MS4A5: variants seen among roughly 807,000 people sequenced by gnomAD.
MS4A5 encodes the protein membrane-spanning 4-domains subfamily A member 5.
MS4A5 carries 15 observed loss-of-function variants against 18.2 expected under a neutral mutation model. The observed-to-expected ratio is 0.83, with a 90% CI of 0.55 to 1.27. MS4A5 has a LOEUF of 1.27. Ranked by LOEUF, MS4A5 falls within the 50% of genes most tolerant of loss-of-function variation. MS4A5 has a pLI of 0.00. For missense variants in MS4A5, 232 were observed against 225.7 expected (o/e 1.03, Z -0.18); for synonymous variants, 89 against 78.7 (o/e 1.13, Z -0.69).
chr11:60,445,669 CTGACAAGAAGTCAAGAAAAAA>C (rs1227080305), intron 4 of MS4A5, among the ~76,000 whole-genome samples: 1 of 152,072 alleles, frequency 6.6e-6, no homozygotes, highest in African/African-American at 2.4e-5. Context: ...GTGCATATAA[CTGACAAGAAGTCAAGAAAAAA>C]TTTTCTTTTT....
chr11:60,447,185 C>T (rs1412295756), intron 4 of MS4A5, among the ~76,000 whole-genome samples: 2 of 151,428 alleles, frequency 1.3e-5, no homozygotes, highest in Admixed American at 1.3e-4. Context: ...CTATGCTATG[C>T]TATCCTATGC....
At chr11:60,441,213 T>G (rs2086109727) in intron 4 of MS4A5, among the ~76,000 whole-genome samples, 1 of 124,076 alleles carries the variant, frequency 8.1e-6, no homozygotes, top group African/African-American at 3.0e-5. Context: ...CACTCATAGG[T>G]GGGAATTGAA....
chr11:60,440,199 G>T (rs2086102928), intron 4 of MS4A5, among the ~76,000 whole-genome samples: 1 of 91,792 alleles, frequency 1.1e-5, no homozygotes, highest in Non-Finnish European at 2.4e-5. Flanking sequence ...TTAATAAATG[G>T]TGCTGGGAAA....
chr11:60,435,463 G>C (rs2135173417), intron 4 of MS4A5: 1 of 421,626 alleles, frequency 2.4e-6, no homozygotes, highest in South Asian at 1.7e-5. Context: ...CCGGTCTACA[G>C]CTCCCAGCGT....
intron 4 of MS4A5, among the ~76,000 whole-genome samples, chr11:60,434,598 A>G (rs1352643596): frequency 6.6e-6 from 1 of 152,238 alleles, no homozygotes; most frequent in Admixed American, 6.5e-5. Context: ...GTAATGGTTA[A>G]GTATGGCTAT....
chr11:60,434,935 G>A (rs756187193), intron 4 of MS4A5, among the ~76,000 whole-genome samples: 23 of 152,142 alleles, frequency 1.5e-4, no homozygotes, highest in Non-Finnish European at 2.4e-4. Flanking sequence ...AGGCTACTAC[G>A]CTCTTCAGGT....
At chr11:60,439,075 C>T in intron 4 of MS4A5, among the ~76,000 whole-genome samples, 1 of 96,984 alleles carries the variant, frequency 1.0e-5, no homozygotes, top group Non-Finnish European at 2.0e-5. Context: ...GCTTATCCAC[C>T]ATGATCAAGT....
chr11:60,444,455 A>G (rs970938010), intron 4 of MS4A5, among the ~76,000 whole-genome samples: 2 of 152,122 alleles, frequency 1.3e-5, no homozygotes, highest in African/African-American at 2.4e-5. Flanking sequence ...AATATAGGGG[A>G]AAAATAAAAT....
chr11:60,430,569 G>C (rs933506834), intron 1 of MS4A5, among the ~76,000 whole-genome samples: 1 of 152,134 alleles, frequency 6.6e-6, no homozygotes, highest in Non-Finnish European at 1.5e-5. Context: ...CCAATCCATG[G>C]ACCACATTTT....
chr11:60,430,720 CA>C (rs2086044066), intron 1 of MS4A5, 75 bp from the exon 2 acceptor site: 1 of 1,546,104 alleles, frequency 6.5e-7, no homozygotes. Flanking sequence ...TCCTTTTGAC[CA>C]AAAGAAGATA....
intron 4 of MS4A5, among the ~76,000 whole-genome samples, chr11:60,435,770 C>G (rs1339348354): frequency 6.6e-6 from 1 of 152,042 alleles, no homozygotes; most frequent in Middle Eastern, 3.2e-3. Flanking sequence ...GCACCTGGCT[C>G]GGAGGGTCCT....
intron 4 of MS4A5, among the ~76,000 whole-genome samples, chr11:60,443,090 G>C (rs905477475): frequency 6.6e-6 from 1 of 152,068 alleles, no homozygotes; most frequent in Non-Finnish European, 1.5e-5. Flanking sequence ...GAAGTGAGCC[G>C]GGACTGCACC....
intron 4 of MS4A5, among the ~76,000 whole-genome samples, chr11:60,435,159 CT>C (rs1019844577): frequency 6.6e-6 from 1 of 152,116 alleles, no homozygotes; most frequent in Non-Finnish European, 1.5e-5. Flanking sequence ...TGTGGTGCCC[CT>C]GGTACCTGGC....
intron 4 of MS4A5, chr11:60,435,272 G>A (rs2086072284): frequency 2.5e-6 from 1 of 399,974 alleles, no homozygotes; most frequent in South Asian, 1.9e-5. Context: ...CTCAAAAGAG[G>A]CCTAAAAAGA....
At chr11:60,447,302 A>G (rs1315624666) in intron 4 of MS4A5, among the ~76,000 whole-genome samples, 2 of 136,774 alleles carry the variant, frequency 1.5e-5, no homozygotes, top group African/African-American at 2.8e-5. Flanking sequence ...ATGCTATCCT[A>G]TGCTGTGCTA....
rs938866907 is a variant in MS4A5, at chr11:60,441,749, A to C, written c.493-5900A>C. On this transcript the variant is annotated intron_variant, in intron 4 of 4. Coordinates refer to ENST00000300190, the MANE Select transcript of MS4A5 (RefSeq NM_023945.3). ...ACCCATAAAAATAGAAAATTAAAAA[A>C]TTTAAAATTTTAAAAAAAGATGGTC... is the stretch of plus-strand genomic sequence containing the variant. Among the ~76,000 whole-genome samples, 49 of 152,044 alleles carry C rather than the reference A, an allele frequency of 3.2e-4. 1 individual carries two copies. The highest frequency in any genetic ancestry group is 1.6e-4 in the Non-Finnish European group (11 of 67,946).
intron 4 of MS4A5, among the ~76,000 whole-genome samples, chr11:60,442,677 A>G (rs534389562): frequency 6.6e-5 from 10 of 152,194 alleles, no homozygotes; most frequent in Non-Finnish European, 1.3e-4. Flanking sequence ...AGAATACAAT[A>G]TACTGTCATT....
intron 4 of MS4A5, among the ~76,000 whole-genome samples, chr11:60,435,788 C>T (rs939348555): frequency 8.9e-4 from 135 of 152,062 alleles, no homozygotes; most frequent in African/African-American, 3.0e-3. Context: ...CCTATGCCCA[C>T]GGAGTCTCGC....
At chr11:60,434,798 G>A (rs2086069730) in intron 4 of MS4A5, among the ~76,000 whole-genome samples, 1 of 152,172 alleles carries the variant, frequency 6.6e-6, no homozygotes, top group African/African-American at 2.4e-5. Context: ...CCATTTGCCA[G>A]TGATGCTTAT....
Sources: gnomAD v4.1 joint callset for allele counts (sites outside exome capture counted in the v4.1 genomes callset) on GRCh38, gnomAD v4.1.1 for gene constraint, MANE v1.5 for transcripts, NCBI Gene and HGNC (gene_info 2026-07-23, HGNC 2026-07-21) for gene names.